Variants in DYRK4 observed in about 807,000 individuals in gnomAD.
DYRK4 encodes the protein dual specificity tyrosine phosphorylation regulated kinase 4.
A neutral mutation model predicts 68.3 loss-of-function variants in DYRK4; 64 were observed. The ratio of observed to expected loss-of-function variants is 0.94; its 90% CI spans 0.77 to 1.15. DYRK4 has a LOEUF of 1.15. Ranked by LOEUF, DYRK4 falls within the 50% of genes most tolerant of loss-of-function variation. The pLI, the probability that DYRK4 is intolerant of heterozygous loss-of-function variation, is 0.00. For synonymous variants in DYRK4, 274 were observed against 289.9 expected (o/e 0.95, Z 0.56); for missense variants, 740 against 764.7 (o/e 0.97, Z 0.38).
intron 12 of DYRK4, 136 bp from the exon 13 acceptor site, chr12:4,610,019 T>TG: frequency 1.8e-6 from 1 of 567,288 alleles, no homozygotes. Context: ...TGTGTGTGTG[T>TG]TTATTGGGGT....
intron 5 of DYRK4, 66 bp from the exon 6 acceptor site, chr12:4,592,936 G>A (rs375915512): frequency 8.5e-5 from 133 of 1,563,280 alleles, no homozygotes; most frequent in Admixed American, 6.0e-4. Context: ...GGATGCCATC[G>A]TCTGCATCCG....
At position 4,613,560 on chromosome 12, in the gene DYRK4, C is replaced by CGAA; in HGVS notation, c.1714_1716dup (p.Lys572dup). The CGAA allele has an allele frequency of 6.2e-7, 1 of 1,614,082 alleles. No homozygotes were observed. Among genetic ancestry groups the CGAA allele is most frequent in the Non-Finnish European group, 8.5e-7 (1 of 1,179,938 alleles). ...ACAGAGAAAACAAAAGATAGCCCCA[C>CGAA]GAAGCATGTTCAGCATTCAGGTGAT... On this transcript the variant is annotated inframe_insertion, in exon 15 of 15. Transcript: ENST00000543431. This position sits in a 1 kb window ranked among gnomAD's most constrained non-coding sequence, Gnocchi z 4.0.
chr12:4,568,105 A>AC, intron 2 of DYRK4, 57 bp downstream of exon 2: 1 of 1,432,580 alleles, frequency 7.0e-7, no homozygotes, highest in Non-Finnish European at 9.5e-7. Context: ...GGTCCTAGGG[A>AC]CTCAGGACCC....
At chr12:4,610,083 C>CT in intron 12 of DYRK4, 72 bp from the exon 13 acceptor site, 1 of 1,427,476 alleles carries the variant, frequency 7.0e-7, no homozygotes, top group Non-Finnish European at 9.4e-7. Context: ...AGAGGCCACT[C>CT]TAAGCAGCAG....
At chr12:4,579,856 C>T (rs541823052) in intron 2 of DYRK4, among the ~76,000 whole-genome samples, 9 of 151,894 alleles carry the variant, frequency 5.9e-5, no homozygotes, top group Non-Finnish European at 1.3e-4. Flanking sequence ...CTTTATAATC[C>T]CTTGTCACCC....
At chr12:4,574,240 A>G (rs1490470584) in intron 2 of DYRK4, among the ~76,000 whole-genome samples, 3 of 151,206 alleles carry the variant, frequency 2.0e-5, no homozygotes, top group Non-Finnish European at 4.4e-5. Context: ...AAAAAAAAAA[A>G]AAAAAAAGGA....
intron 5 of DYRK4, chr12:4,592,691 T>TCAA: frequency 4.2e-6 from 1 of 236,226 alleles, no homozygotes; most frequent in South Asian, 9.3e-5. Flanking sequence ...AACTATATAC[T>TCAA]ATTGTCGACA....
intron 2 of DYRK4, among the ~76,000 whole-genome samples, chr12:4,571,803 A>G (rs1416995629): frequency 6.6e-6 from 1 of 152,220 alleles, no homozygotes; most frequent in Non-Finnish European, 1.5e-5. Flanking sequence ...ATTTAAAATT[A>G]TACTCATGAC....
At chr12:4,565,479 A>G (rs1463614214) in intron 1 of DYRK4, among the ~76,000 whole-genome samples, 1 of 152,188 alleles carries the variant, frequency 6.6e-6, no homozygotes, top group East Asian at 1.9e-4. Flanking sequence ...GGCTCATTCA[A>G]AATCATGGCA....
At chr12:4,572,298 T>C (rs1177314212) in intron 2 of DYRK4, among the ~76,000 whole-genome samples, 1 of 152,176 alleles carries the variant, frequency 6.6e-6, no homozygotes, top group African/African-American at 2.4e-5. Context: ...TTTTGTTTGT[T>C]TGTGACAGAG....
At chr12:4,600,021 AT>A (rs1945063440) in intron 10 of DYRK4, among the ~76,000 whole-genome samples, 1 of 152,234 alleles carries the variant, frequency 6.6e-6, no homozygotes, top group Non-Finnish European at 1.5e-5. Flanking sequence ...ATATGGAATT[AT>A]CCTAGAACAG....
chr12:4,563,017 G>A (rs1313680781), intron 1 of DYRK4: 2 of 455,614 alleles, frequency 4.4e-6, no homozygotes, highest in Non-Finnish European at 8.8e-6. Flanking sequence ...CTTAAGCAAC[G>A]GACAGCATCA....
At chr12:4,610,049 T>C in intron 12 of DYRK4, 106 bp from the exon 13 acceptor site, 1 of 987,030 alleles carries the variant, frequency 1.0e-6, no homozygotes, top group East Asian at 2.7e-5. Context: ...GGCGAGTGTG[T>C]AAGACAGAGA....
chr12:4,601,496 C>T (rs567126881), intron 10 of DYRK4, among the ~76,000 whole-genome samples: 9 of 152,186 alleles, frequency 5.9e-5, no homozygotes, highest in South Asian at 4.1e-4. Context: ...TGTAATACCA[C>T]GCAGCTATTT....
intron 9 of DYRK4, 106 bp from the exon 10 acceptor site, chr12:4,599,601 G>C (rs1945058592): frequency 1.3e-6 from 1 of 753,804 alleles, no homozygotes; most frequent in Non-Finnish European, 2.2e-6. Context: ...TGCCCATGGA[G>C]GTGGTCATAT....
chr12:4,587,577 TTTGCAA>T (rs1424903156), intron 2 of DYRK4, among the ~76,000 whole-genome samples: 2 of 152,216 alleles, frequency 1.3e-5, no homozygotes, highest in African/African-American at 4.8e-5. Flanking sequence ...GACTCTGAGA[TTTGCAA>T]TTGCAATATT....
chr12:4,587,602 T>C (rs542719704), intron 2 of DYRK4, among the ~76,000 whole-genome samples: 7 of 152,320 alleles, frequency 4.6e-5, no homozygotes, highest in African/African-American at 1.2e-4. Flanking sequence ...TTTGCTCAGA[T>C]ACCATTTTCC....
chr12:4,591,414 C>A lies in DYRK4; in HGVS notation c.463+116C>A. The A allele has an allele frequency of 7.1e-7, 1 of 1,405,152 alleles. No individual in the cohort carries two copies. The highest frequency in any genetic ancestry group is 9.5e-7 in the Non-Finnish European group (1 of 1,048,128). The allele number at this position is 1,405,152 out of a possible 1,614,324, so 87.0% of individuals were successfully genotyped here. A position where few individuals can be genotyped will look rare whatever the true frequency, so the allele number is the denominator to read the frequency against. Reference sequence around the variant, plus strand: ...CAGGTGTCAGAGTAGTCAAAGAAGGCAGCCAGCCAAGAGGAAAGTAGAAGT... The same window carrying A: ...CAGGTGTCAGAGTAGTCAAAGAAGGAAGCCAGCCAAGAGGAAAGTAGAAGT... On this transcript the variant is annotated intron_variant, in intron 5 of 14. Transcript: ENST00000543431. This position sits in a 1 kb window ranked among gnomAD's most constrained non-coding sequence, Gnocchi z 4.1.
At chr12:4,604,798 C>T in intron 10 of DYRK4, 116 bp from the exon 11 acceptor site, 1 of 1,304,584 alleles carries the variant, frequency 7.7e-7, no homozygotes, top group South Asian at 1.7e-5. Flanking sequence ...TGGCCAGCTG[C>T]ACTTCCCTTT....
Sources: gnomAD v4.1 joint callset for allele counts (sites outside exome capture counted in the v4.1 genomes callset) on GRCh38, gnomAD v4.1.1 for gene constraint, Gnocchi (gnomAD v3.1) non-coding constraint, MANE v1.5 for transcripts, NCBI Gene and HGNC (gene_info 2026-07-23, HGNC 2026-07-21) for gene names.